FBXL2: variants seen among roughly 807,000 people sequenced by gnomAD.
FBXL2 encodes F-box and leucine rich repeat protein 2.
FBXL2 carries 38 observed loss-of-function variants against 69.2 expected under a neutral mutation model. The observed-to-expected ratio is 0.55, with a 90% CI of 0.42 to 0.72. The LOEUF is 0.72. FBXL2 is among the 30% of genes least tolerant of loss of function. The pLI, the probability that FBXL2 is intolerant of heterozygous loss-of-function variation, is 0.00. For missense variants in FBXL2, 354 were observed against 520.3 expected, an observed-to-expected ratio of 0.68 and a Z score of 3.11; for synonymous variants, 192 against 201.3, an observed-to-expected ratio of 0.95 and a Z score of 0.39.
At chr3:33,299,952 G>GGAT (rs1559506481) in intron 2 of FBXL2, among the ~76,000 whole-genome samples, 1 of 152,138 alleles carries the variant, frequency 6.6e-6, no homozygotes, top group Non-Finnish European at 1.5e-5. Flanking sequence ...ACAACTGCAC[G>GGAT]GATGCCATCC....
Position 33,403,564 on chromosome 3 carries a change from G to GTCTATCTATCTATCTATCTATCTA in FBXL2, n.1548_1549insATCTATCTATCTATCTATCTATCT, listed in dbSNP as rs1166163762. 1.7e-4 allele frequency: 24 copies of GTCTATCTATCTATCTATCTATCTA among 141,554 alleles called. No homozygotes were observed. The East Asian group carries it at 2.3e-3, about 13-fold the overall frequency. The allele number at this position is 141,554 out of a possible 1,614,324, so 8.8% of individuals were successfully genotyped here. A position where few individuals can be genotyped will look rare whatever the true frequency, so the allele number is the denominator to read the frequency against. On this transcript the variant is annotated non_coding_transcript_exon_variant, in exon 13 of 13. Transcript: ENST00000463736. ...AATCTATCTGTCTGTCTGTCTGTCT[G>GTCTATCTATCTATCTATCTATCTA]TCTGTCTGTCTGTCTGTCTGTCTAT...
At chr3:33,379,683 A>C (rs1386341347) in intron 13 of FBXL2, among the ~76,000 whole-genome samples, 4 of 111,754 alleles carry the variant, frequency 3.6e-5, no homozygotes, top group African/African-American at 1.4e-4. Flanking sequence ...AATTGTACCA[A>C]AAAAAAAACA....
At chr3:33,413,351 T>C in the FBXL2 span, among the ~76,000 whole-genome samples, 4 of 150,856 alleles carry the variant, frequency 2.7e-5, no homozygotes, top group South Asian at 2.1e-4. Context: ...ATTGGGACCA[T>C]CCTGGCTAAC....
At chr3:33,282,110 AAG>A (rs1559481210) in intron 1 of FBXL2, among the ~76,000 whole-genome samples, 1 of 152,130 alleles carries the variant, frequency 6.6e-6, no homozygotes, top group African/African-American at 2.4e-5. Context: ...TTTAGTCACG[AAG>A]TCCTTGCCCA....
chr3:33,362,645 T>C (rs2041705590), intron 4 of FBXL2, among the ~76,000 whole-genome samples: 1 of 152,218 alleles, frequency 6.6e-6, no homozygotes, highest in Non-Finnish European at 1.5e-5. Flanking sequence ...CATTGTTCAA[T>C]TCCCTGTATA....
intron 2 of FBXL2, among the ~76,000 whole-genome samples, chr3:33,318,665 T>C (rs978249435): frequency 3.9e-5 from 6 of 152,210 alleles, no homozygotes; most frequent in Non-Finnish European, 7.3e-5. Context: ...CATCAAGATA[T>C]CTGTTTCTAA....
At chr3:33,395,623 A>C (rs1362665565) in intron 12 of FBXL2, among the ~76,000 whole-genome samples, 1 of 152,004 alleles carries the variant, frequency 6.6e-6, no homozygotes, top group African/African-American at 2.4e-5. Context: ...GACGCGCCAC[A>C]CAAGGTGCAC....
intron 12 of FBXL2, chr3:33,397,040 T>A (rs1201519236): frequency 6.3e-7 from 1 of 1,587,966 alleles, no homozygotes; most frequent in Non-Finnish European, 8.6e-7. Flanking sequence ...TTCACAGTAT[T>A]TTACCTTGAC....
chr3:33,277,341 G>A (rs570637016), upstream of FBXL2: 424 of 517,448 alleles, frequency 8.2e-4, 1 homozygote, highest in African/African-American at 7.7e-3. Flanking sequence ...GGCGAGGGGT[G>A]GGCGGTCCAA....
chr3:33,407,547 TAA>T (rs35830232), downstream of FBXL2, among the ~76,000 whole-genome samples: 3,776 of 135,572 alleles, frequency 0.028, 79 homozygotes, highest in Admixed American at 0.064. Context: ...CGAATTTATT[TAA>T]AAAAAAAAAA....
downstream of FBXL2, among the ~76,000 whole-genome samples, chr3:33,404,485 TA>T (rs147464429): frequency 0.052 from 7,483 of 144,184 alleles, 295 homozygotes; most frequent in African/African-American, 0.11. Flanking sequence ...ATAATAGGAT[TA>T]AAAAAAAAAA....
intron 4 of FBXL2, among the ~76,000 whole-genome samples, chr3:33,360,168 A>G (rs2154041599): frequency 6.6e-6 from 1 of 152,288 alleles, no homozygotes; most frequent in East Asian, 1.9e-4. Context: ...TAATTTAGTT[A>G]CTCACATAGT....
At chr3:33,311,545 T>C (rs1412431492) in intron 2 of FBXL2, among the ~76,000 whole-genome samples, 1 of 152,148 alleles carries the variant, frequency 6.6e-6, no homozygotes, top group Non-Finnish European at 1.5e-5. Flanking sequence ...GATTCTTTAT[T>C]CTGCTTGATC....
intron 2 of FBXL2, among the ~76,000 whole-genome samples, chr3:33,347,167 C>T (rs1482821051): frequency 6.6e-6 from 1 of 152,142 alleles, no homozygotes; most frequent in East Asian, 1.9e-4. Flanking sequence ...TCTCTACCCC[C>T]ATGAGTTCAA....
chr3:33,286,810 G>T (rs1264646321), intron 1 of FBXL2, among the ~76,000 whole-genome samples: 2 of 152,226 alleles, frequency 1.3e-5, no homozygotes, highest in African/African-American at 4.8e-5. Context: ...AATGAGTGAG[G>T]CTCCGTGGGT....
At chr3:33,301,763 T>C (rs947354378) in intron 2 of FBXL2, among the ~76,000 whole-genome samples, 5 of 152,204 alleles carry the variant, frequency 3.3e-5, no homozygotes, top group African/African-American at 7.2e-5. Context: ...ATAATTTTTA[T>C]AACAGTGGAA....
At chr3:33,341,102 A>G (rs1462475630) in intron 2 of FBXL2, among the ~76,000 whole-genome samples, 3 of 152,134 alleles carry the variant, frequency 2.0e-5, no homozygotes, top group Non-Finnish European at 2.9e-5. Flanking sequence ...AATGCTTCTT[A>G]TTACAAAAGG....
At chr3:33,319,368 A>G (rs886550778) in intron 2 of FBXL2, among the ~76,000 whole-genome samples, 1 of 152,222 alleles carries the variant, frequency 6.6e-6, no homozygotes, top group Non-Finnish European at 1.5e-5. Context: ...AAATAAAGTA[A>G]TTCATCAAGT....
At chr3:33,374,682 T>C (rs1320496928) in intron 9 of FBXL2, among the ~76,000 whole-genome samples, 1 of 152,246 alleles carries the variant, frequency 6.6e-6, no homozygotes, top group Non-Finnish European at 1.5e-5. Context: ...GCTTGAAGTA[T>C]AATATAGATG....
Sources: allele counts gnomAD v4.1 joint callset (sites outside exome capture counted in the v4.1 genomes callset), GRCh38; gene constraint gnomAD v4.1.1; transcripts MANE v1.5; gene names NCBI Gene and HGNC (gene_info 2026-07-23, HGNC 2026-07-21).